Variants in TBC1D5 observed in about 807,000 individuals in gnomAD.
TBC1D5 encodes the protein TBC1 domain family, member 5.
In TBC1D5, 75 loss-of-function variants were observed where a neutral mutation model predicts 100.3. The observed-to-expected ratio is 0.75, with a 90% CI of 0.62 to 0.91. TBC1D5 has a LOEUF of 0.91. Among genes scored for constraint, TBC1D5 ranks in the 40% least tolerant of loss-of-function variants. The pLI is 0.00. For synonymous variants in TBC1D5, 323 were observed against 325.6 expected (o/e 0.99, Z 0.09); for missense variants, 910 against 942.4 (o/e 0.97, Z 0.45).
At chr3:17,411,390 C>T (rs1419939303) in intron 4 of TBC1D5, among the ~76,000 whole-genome samples, 1 of 152,088 alleles carries the variant, frequency 6.6e-6, no homozygotes, top group Admixed American at 6.6e-5. Flanking sequence ...GGAACTGAAT[C>T]CGCAATATCT....
chr3:17,292,024 T>C, intron 14 of TBC1D5, 23 bp from the exon 15 acceptor site: 2 of 1,568,710 alleles, frequency 1.3e-6, no homozygotes. Context: ...AAAAAATAAT[T>C]CAGATGCAAT....
chr3:17,227,199 A>G (rs776609896), intron 17 of TBC1D5, among the ~76,000 whole-genome samples: 2 of 152,186 alleles, frequency 1.3e-5, no homozygotes, highest in Non-Finnish European at 2.9e-5. Flanking sequence ...TAAGAGTGTG[A>G]GCTAGATCTT....
chr3:17,649,600 C>G (rs910556128), intron 1 of TBC1D5, among the ~76,000 whole-genome samples: 5 of 152,112 alleles, frequency 3.3e-5, no homozygotes, highest in Admixed American at 3.3e-4. Flanking sequence ...GAGATACCAT[C>G]TCATGCCAGT....
intron 21 of TBC1D5, among the ~76,000 whole-genome samples, chr3:17,166,537 G>GCACGCACCGC (rs1414104107): frequency 1.3e-5 from 2 of 152,182 alleles, no homozygotes; most frequent in Admixed American, 6.5e-5. Flanking sequence ...GGTTTGTAGG[G>GCACGCACCGC]CACGCACCGC....
chr3:17,217,387 A>T (rs746886496), intron 17 of TBC1D5, among the ~76,000 whole-genome samples: 2 of 152,114 alleles, frequency 1.3e-5, no homozygotes, highest in African/African-American at 4.8e-5. Context: ...TCTCACGTAG[A>T]TATCTAGAAG....
At chr3:17,525,851 T>G (rs1353120457) in intron 2 of TBC1D5, among the ~76,000 whole-genome samples, 1 of 152,056 alleles carries the variant, frequency 6.6e-6, no homozygotes, top group Non-Finnish European at 1.5e-5. Context: ...TACTTCTTTT[T>G]TAAATTGATC....
chr3:17,632,177 G>A (rs1329419152), intron 1 of TBC1D5, among the ~76,000 whole-genome samples: 5 of 152,164 alleles, frequency 3.3e-5, no homozygotes, highest in South Asian at 2.1e-4. Context: ...GAACCCTCAC[G>A]GATGACTTGA....
At chr3:17,192,487 C>G (rs555174131) in intron 18 of TBC1D5, among the ~76,000 whole-genome samples, 1 of 152,220 alleles carries the variant, frequency 6.6e-6, no homozygotes, top group South Asian at 2.1e-4. Flanking sequence ...GTGGATGCTG[C>G]TCTTTATGGG....
intron 1 of TBC1D5, among the ~76,000 whole-genome samples, chr3:17,652,632 G>GA (rs1485096875): frequency 6.6e-6 from 1 of 152,022 alleles, no homozygotes; most frequent in Non-Finnish European, 1.5e-5. Context: ...ATCAAGTCCA[G>GA]AAAAAAGTAG....
At chr3:17,275,979 AAGT>A (rs1368774948) in intron 15 of TBC1D5, among the ~76,000 whole-genome samples, 6 of 152,172 alleles carry the variant, frequency 3.9e-5, no homozygotes, top group Non-Finnish European at 5.9e-5. Context: ...ATATGGAGTT[AAGT>A]AAGTTGTTTT....
intron 17 of TBC1D5, among the ~76,000 whole-genome samples, chr3:17,224,103 G>A (rs2074586309): frequency 6.6e-6 from 1 of 152,072 alleles, no homozygotes; most frequent in African/African-American, 2.4e-5. Context: ...CTTTTCCTAG[G>A]AACAGAAAAT....
At chr3:17,175,308 C>CAATA (rs10686850) in intron 19 of TBC1D5, among the ~76,000 whole-genome samples, 115,260 of 151,610 alleles carry the variant, frequency 0.76, 44,537 homozygotes, top group East Asian at 0.92. Context: ...TTCTTGAGGC[C>CAATA]AATAGTTCTC....
intron 18 of TBC1D5, among the ~76,000 whole-genome samples, chr3:17,213,883 G>C (rs2073289867): frequency 6.6e-6 from 1 of 151,078 alleles, no homozygotes; most frequent in Non-Finnish European, 1.5e-5. Flanking sequence ...TTTGTTTCAA[G>C]TTCCATCATT....
chr3:17,626,724 T>C (rs955002095), intron 1 of TBC1D5, among the ~76,000 whole-genome samples: 1 of 152,008 alleles, frequency 6.6e-6, no homozygotes, highest in African/African-American at 2.4e-5. Context: ...AGAAAGGCCA[T>C]CATAGAGTAA....
intron 1 of TBC1D5, among the ~76,000 whole-genome samples, chr3:17,671,581 A>T (rs2067946773): frequency 6.6e-6 from 1 of 152,250 alleles, no homozygotes; most frequent in African/African-American, 2.4e-5. Context: ...AAAACAAGGC[A>T]TCTTCTTTAA....
chr3:17,566,328 A>G (rs749762673), intron 2 of TBC1D5, among the ~76,000 whole-genome samples: 5 of 151,986 alleles, frequency 3.3e-5, no homozygotes, highest in Non-Finnish European at 7.4e-5. Context: ...CTAAAAACTG[A>G]TAAGTAGGGA....
chr3:17,382,827 G>T (rs1489457202), intron 9 of TBC1D5, among the ~76,000 whole-genome samples: 2 of 152,084 alleles, frequency 1.3e-5, no homozygotes, highest in Non-Finnish European at 2.9e-5. Flanking sequence ...CTTACAAAGT[G>T]CTGGGATTAT....
chr3:17,166,589 T>C (rs1195897775), intron 21 of TBC1D5, among the ~76,000 whole-genome samples, 178 bp downstream of exon 22: 1 of 152,240 alleles, frequency 6.6e-6, no homozygotes, highest in Non-Finnish European at 1.5e-5. Context: ...TCATTGTGAA[T>C]GGCACCCCCT....
At chr3:17,436,194 T>C (rs2094532505) in intron 3 of TBC1D5, among the ~76,000 whole-genome samples, 1 of 152,162 alleles carries the variant, frequency 6.6e-6, no homozygotes, top group African/African-American at 2.4e-5. Flanking sequence ...ACTCTACCAT[T>C]TGTTTGTTAT....
Sources: gnomAD v4.1 joint callset for allele counts (sites outside exome capture counted in the v4.1 genomes callset) on GRCh38, gnomAD v4.1.1 for gene constraint, MANE v1.5 for transcripts, NCBI Gene and HGNC (gene_info 2026-07-23, HGNC 2026-07-21) for gene names.